CD109: variants seen among roughly 807,000 people sequenced by gnomAD.
CD109 encodes the protein CD109 molecule.
A neutral mutation model predicts 165.8 loss-of-function variants in CD109; 149 were observed. The ratio of observed to expected loss-of-function variants is 0.90; its 90% CI spans 0.79 to 1.03. The LOEUF (loss-of-function observed/expected upper bound fraction) is 1.03. Among genes scored for constraint, CD109 ranks in the 50% least tolerant of loss-of-function variants. The pLI is 0.00. For synonymous variants in CD109, 585 were observed against 592.1 expected (o/e 0.99, Z 0.18); for missense variants, 1,712 against 1,677.8 (o/e 1.02, Z -0.36).
At chr6:73,753,131 G>A (rs1024844518) in intron 5 of CD109, among the ~76,000 whole-genome samples, 2 of 152,128 alleles carry the variant, frequency 1.3e-5, no homozygotes, top group African/African-American at 2.4e-5. Flanking sequence ...GAACATAGTC[G>A]TGCTCGTTTG....
intron 15 of CD109, among the ~76,000 whole-genome samples, chr6:73,777,530 G>T (rs1359119577): frequency 1.3e-5 from 2 of 152,054 alleles, no homozygotes; most frequent in African/African-American, 4.8e-5. Flanking sequence ...GTCTTCCAGG[G>T]TTTTTATAGT....
the CD109 span, among the ~76,000 whole-genome samples, chr6:73,681,628 G>A: frequency 6.6e-6 from 1 of 150,580 alleles, no homozygotes; most frequent in Non-Finnish European, 1.5e-5. Flanking sequence ...TTGAAATGGA[G>A]TTTCGCTTTT....
In CD109 at chr6:73,795,960, A is replaced by C. The variant is rs1775148674; in HGVS notation, c.2878+3158A>C. Among the ~76,000 whole-genome samples the C allele has an allele frequency of 2.0e-5, 3 of 152,170 alleles. No individual in the cohort carries two copies. In the South Asian group the frequency reaches 6.2e-4, roughly 32 times the overall value. On this transcript the variant is annotated intron_variant, in intron 23 of 32. Coordinates refer to ENST00000287097, the MANE Select transcript of CD109 (RefSeq NM_133493.5). ...TTCAACACGTAGTAAGTGCACAACAAATATCAGCTATAGTAGAATTAGTTG... is the reference window on the plus strand; with the variant it reads ...TTCAACACGTAGTAAGTGCACAACACATATCAGCTATAGTAGAATTAGTTG...
chr6:73,711,151 T>C (rs1771523495), intron 2 of CD109, among the ~76,000 whole-genome samples: 1 of 152,220 alleles, frequency 6.6e-6, no homozygotes, highest in South Asian at 2.1e-4. Context: ...AGAACCTTGC[T>C]TGACTCTGGG....
intron 1 of CD109, 116 bp downstream of exon 1, chr6:73,696,405 C>T: frequency 1.2e-6 from 1 of 856,232 alleles, no homozygotes; most frequent in Non-Finnish European, 1.6e-6. Context: ...TGGGAAATGC[C>T]CTCGCGGCTG....
intron 20 of CD109, among the ~76,000 whole-genome samples, chr6:73,786,308 T>G (rs1355128129): frequency 6.6e-6 from 1 of 152,234 alleles, no homozygotes; most frequent in Non-Finnish European, 1.5e-5. Flanking sequence ...TCCCCCAGAA[T>G]AAGTAGAGAT....
Position 73,823,855 on chromosome 6 carries a change from T to C in CD109, c.*222T>C, listed in dbSNP as rs892614080. ...CAGAATGAATGCAGTTGTGTGTCTA[T>C]ATTTTCCCCTCTCAAAATCTTTTAG... On this transcript the variant is annotated 3_prime_UTR_variant, in exon 33 of 33. Coordinates refer to ENST00000287097, the MANE Select transcript of CD109 (RefSeq NM_133493.5). The C allele has an allele frequency of 1.0e-5, 4 of 381,930 alleles. No individual in the cohort carries two copies. The highest frequency in any genetic ancestry group is 1.9e-5 in the Non-Finnish European group (4 of 213,852). 23.7% of individuals were successfully genotyped at this position (381,930 alleles called of 1,614,324 possible). A position where few individuals can be genotyped will look rare whatever the true frequency, so the allele number is the denominator to read the frequency against.
rs753467128 is a variant in CD109, at chr6:73,806,898, T to G, written c.3015T>G (p.Ile1005Met). ...TTGAAGCCGATCCTTACATAGATAT[T>G]GATCAGAATGTGTTACACAGAACAT... is the stretch of plus-strand genomic sequence containing the variant. ...CFLEADPYID[I>M]DQNVLHRTYT... The change falls in exon 25 of 33, where the codon ATT becomes ATG. Residue 1005 changes from isoleucine to methionine, a missense_variant. Coordinates refer to ENST00000287097, the MANE Select transcript of CD109 (RefSeq NM_133493.5). 1 of 1,613,948 alleles carries G rather than the reference T, an allele frequency of 6.2e-7. No homozygotes were observed. The highest frequency in any genetic ancestry group is 8.5e-7 in the Non-Finnish European group (1 of 1,179,942).
chr6:73,814,205 AG>A (rs1171971795), intron 29 of CD109, among the ~76,000 whole-genome samples: 1 of 152,000 alleles, frequency 6.6e-6, no homozygotes, highest in African/African-American at 2.4e-5. Flanking sequence ...TATGTGTTTT[AG>A]GTATAAGTTA....
intron 5 of CD109, among the ~76,000 whole-genome samples, chr6:73,747,028 A>G (rs1054183861): frequency 6.6e-6 from 1 of 152,106 alleles, no homozygotes; most frequent in African/African-American, 2.4e-5. Context: ...CCAGATTTGC[A>G]TGTGTTGCCT....
In CD109 at chr6:73,807,010, A is replaced by G; in HGVS notation, c.3127A>G (p.Lys1043Glu). The G allele has an allele frequency of 1.9e-6, 3 of 1,614,052 alleles. No homozygotes were observed. The South Asian group carries it at 3.3e-5, about 18-fold the overall frequency. ...TCATAGTGAGCTTCAAGGTGGCAAT[A>G]AAAGTCCAGTAACACTTACAGCCTA... ...VIHSELQGGN[K>E]SPVTLTAYIV... The change falls in exon 25 of 33, where the codon AAA (lysine) becomes GAA (glutamate). Residue 1043 changes from lysine to glutamate, a missense_variant. By Grantham distance (56) the Lys-to-Glu change is moderately conservative. Coordinates refer to ENST00000287097, the MANE Select transcript of CD109 (RefSeq NM_133493.5).
chr6:73,799,414 A>G (rs1775287576), intron 23 of CD109, among the ~76,000 whole-genome samples: 1 of 152,194 alleles, frequency 6.6e-6, no homozygotes, highest in Non-Finnish European at 1.5e-5. Flanking sequence ...TTGCATTACT[A>G]TAAAGAAATA....
intron 29 of CD109, among the ~76,000 whole-genome samples, chr6:73,813,184 A>T (rs1464781294): frequency 2.6e-5 from 4 of 152,170 alleles, no homozygotes. Context: ...AAGGAATGGT[A>T]TTCAGTGAAA....
Position 73,806,852 on chromosome 6 carries a change from CTTTTG to C in CD109, c.2974_2978del (p.Val992LysfsTer5). The C allele has an allele frequency of 6.2e-7, 1 of 1,611,582 alleles. No homozygotes were observed. Among genetic ancestry groups the C allele is most frequent in the East Asian group, 2.2e-5 (1 of 44,814 alleles). ...TTTCTCTTTTCATAAAGGTTGTCAG[CTTTTG>C]TTTTAAGATGTTTCCTTGAAGCCGA... On this transcript the variant is annotated frameshift_variant, in exon 25 of 33. Transcript: ENST00000287097. LOFTEE classifies it high-confidence loss of function.
At chr6:73,820,133 G>A (rs1320182695) in intron 31 of CD109, among the ~76,000 whole-genome samples, 1 of 152,150 alleles carries the variant, frequency 6.6e-6, no homozygotes, top group Non-Finnish European at 1.5e-5. Context: ...GCTGCTGTGA[G>A]CCATTAGTAG....
At chr6:73,688,541 G>A in the CD109 span, among the ~76,000 whole-genome samples, 2 of 152,086 alleles carry the variant, frequency 1.3e-5, no homozygotes, top group African/African-American at 2.4e-5. Context: ...TTTTCTGTGC[G>A]ATGAGAGAGT....
rs1467511870 is a variant in CD109 at position 73,762,286 on chromosome 6, T to C, written c.759-98T>C. 1.0e-5 allele frequency: 8 copies of C among 801,696 alleles called. No individual in the cohort carries two copies. In the East Asian group the frequency reaches 2.1e-4, roughly 21 times the overall value. The allele number at this position is 801,696 out of a possible 1,614,324, so 49.7% of individuals were successfully genotyped here. On this transcript the variant is annotated intron_variant, in intron 7 of 32. Coordinates refer to ENST00000287097, the MANE Select transcript of CD109 (RefSeq NM_133493.5). ...CAATGTAATTTTTTAAAATGTTAGA[T>C]TGCTAATTGCTAATGTATGCTATTG...
chr6:73,717,821 G>A (rs1301632456), intron 2 of CD109, among the ~76,000 whole-genome samples: 2 of 151,132 alleles, frequency 1.3e-5, no homozygotes, highest in Non-Finnish European at 3.0e-5. Flanking sequence ...GGGTTTCACC[G>A]TGTTAACCAG....
chr6:73,696,268 C>A lies in CD109; in HGVS notation c.53C>A (p.Ala18Asp). ...GCCCACCTCCTCTGCGTGTGCACCGCCGCGCTGGCCGTGGCTCCCGGGTAG... is the reference window on the plus strand; with the variant it reads ...GCCCACCTCCTCTGCGTGTGCACCGACGCGCTGGCCGTGGCTCCCGGGTAG... ...TAAHLLCVCT[A>D]ALAVAPGPRF... The change falls in exon 1 of 33, where the codon GCC becomes GAC. Residue 18 changes from alanine (A) to aspartate (D), a missense_variant. Ala to Asp is a moderately radical substitution (Grantham distance 126, BLOSUM62 -2). Transcript: ENST00000287097. 3 of 1,530,336 alleles carry A rather than the reference C, an allele frequency of 2.0e-6. No individual in the cohort carries two copies. In the South Asian group the frequency reaches 3.6e-5, roughly 18 times the overall value. 94.8% of individuals were successfully genotyped at this position (1,530,336 alleles called of 1,614,324 possible). A position where few individuals can be genotyped will look rare whatever the true frequency, so the allele number is the denominator to read the frequency against.
Sources: gnomAD v4.1 joint callset for allele counts (sites outside exome capture counted in the v4.1 genomes callset) on GRCh38, gnomAD v4.1.1 for gene constraint, MANE v1.5 for transcripts, NCBI Gene and HGNC (gene_info 2026-07-23, HGNC 2026-07-21) for gene names.